Variants in OCM observed in about 807,000 individuals in gnomAD.
OCM encodes oncomodulin-1.
Under a neutral mutation model 14.1 loss-of-function variants are expected in OCM, and 18 were observed. That is an observed-to-expected ratio of 1.28 (90% confidence interval 0.88 to 1.89). OCM has a LOEUF of 1.89. Among genes scored for constraint, OCM ranks in the 40% most tolerant of loss-of-function variants. The pLI, the probability that OCM is intolerant of heterozygous loss-of-function variation, is 0.00. For missense variants in OCM, 140 were observed against 137.6 expected (o/e 1.02, Z -0.09); for synonymous variants, 48 against 51.0 (o/e 0.94, Z 0.25).
At chr7:5,860,358 A>G in the OCM span, among the ~76,000 whole-genome samples, 6 of 147,130 alleles carry the variant, frequency 4.1e-5, 1 homozygote, top group Non-Finnish European at 9.0e-5. Context: ...GTGTGTATAT[A>G]TATATGCATA....
chr7:5,882,163 TC>T (rs920044384), intron 1 of OCM, among the ~76,000 whole-genome samples: 3 of 148,328 alleles, frequency 2.0e-5, no homozygotes, highest in Admixed American at 6.7e-5. Flanking sequence ...TGATTGCATT[TC>T]CCCCTACCAA....
rs562229417 is a variant in OCM at position 5,883,520 on chromosome 7, C to CA, written c.195-361dup. 2.6e-3 allele frequency among the ~76,000 whole-genome samples: 386 copies of CA among 150,574 alleles called. 5 individuals carry two copies. The highest frequency in any genetic ancestry group is 8.7e-3 in the African/African-American group (356 of 41,068). On this transcript the variant is annotated intron_variant, in intron 2 of 3. Coordinates refer to ENST00000242104, the MANE Select transcript of OCM (RefSeq NM_001097622.2). ...GGAACATGACAAAACCTTGTCTCTA[C>CA]AAAAAAAAATACAAATGTTAGTGGG...
At chr7:5,867,289 G>A in the OCM span, among the ~76,000 whole-genome samples, 2 of 151,946 alleles carry the variant, frequency 1.3e-5, no homozygotes, top group Non-Finnish European at 2.9e-5. Context: ...ACAAGCCTGG[G>A]CAACATAGCA....
At position 5,882,475 on chromosome 7, in the gene OCM, C is replaced by G; in HGVS notation, c.62-18C>G. ...GTGATCCAACAAGCGTCAGAATAAC[C>G]AATTCTCTGTTCTTCAGACCCAGAC... On this transcript the variant is annotated intron_variant, in intron 1 of 3. Transcript: ENST00000242104. The G allele has an allele frequency of 6.2e-7, 1 of 1,613,520 alleles. No homozygotes were observed. Among genetic ancestry groups the G allele is most frequent in the East Asian group, 2.2e-5 (1 of 44,880 alleles).
upstream of OCM, among the ~76,000 whole-genome samples, chr7:5,877,351 C>G (rs1781114771): frequency 6.6e-6 from 1 of 151,370 alleles, no homozygotes; most frequent in Non-Finnish European, 1.5e-5. Flanking sequence ...GCCTATAGTC[C>G]CAGCCTCCTG....
chr7:5,880,900 C>T lies in OCM; in HGVS notation c.11C>T (p.Thr4Met), dbSNP rs764514586. MSI[T>M]DVLSADDIAA... ...GTGAGTAGGTAGAAAATGAGCATCA[C>T]GGACGTGCTCAGTGCTGACGACATT... Residue 4 changes from threonine to methionine, a missense_variant, in exon 1 of 4, where the codon ACG becomes ATG. Coordinates refer to ENST00000242104, the MANE Select transcript of OCM (RefSeq NM_001097622.2). The T allele has an allele frequency of 2.4e-5, 38 of 1,613,750 alleles. No individual in the cohort carries two copies. In the Middle Eastern group the frequency reaches 6.6e-4, roughly 28 times the overall value.
chr7:5,866,410 G>C, the OCM span, among the ~76,000 whole-genome samples: 3 of 94,734 alleles, frequency 3.2e-5, no homozygotes, highest in African/African-American at 5.1e-5. Flanking sequence ...AGAAGGAAGG[G>C]GGGGAGAGAA....
chr7:5,873,874 T>C, the OCM span, among the ~76,000 whole-genome samples: 4 of 152,014 alleles, frequency 2.6e-5, no homozygotes, highest in Non-Finnish European at 4.4e-5. Flanking sequence ...TAGCCCATCA[T>C]GCATGATGGA....
chr7:5,878,984 C>T (rs921180806), upstream of OCM, among the ~76,000 whole-genome samples: 5 of 151,468 alleles, frequency 3.3e-5, no homozygotes, highest in African/African-American at 1.2e-4. Flanking sequence ...AGTTCGAGAC[C>T]AGCCTAGGCA....
At chr7:5,864,665 A>G in the OCM span, among the ~76,000 whole-genome samples, 17 of 152,270 alleles carry the variant, frequency 1.1e-4, no homozygotes, top group East Asian at 2.7e-3. Flanking sequence ...ATTAGAATAA[A>G]TCAAATAGGC....
the OCM span, among the ~76,000 whole-genome samples, chr7:5,860,817 CATATATAT>C: frequency 6.8e-6 from 1 of 146,026 alleles, no homozygotes; most frequent in Admixed American, 6.9e-5. Flanking sequence ...TACACACATA[CATATATAT>C]ACACACACAC....
the OCM span, among the ~76,000 whole-genome samples, chr7:5,864,948 A>G: frequency 6.6e-6 from 1 of 152,120 alleles, no homozygotes. Flanking sequence ...CAAAAAAAAA[A>G]AGAACTAGGG....
At chr7:5,860,148 T>C in the OCM span, among the ~76,000 whole-genome samples, 9 of 151,920 alleles carry the variant, frequency 5.9e-5, no homozygotes, top group East Asian at 1.9e-4. Context: ...TCTCTCATTA[T>C]GTGGGGTTTA....
chr7:5,880,695 G>T (rs565312197), upstream of OCM: 48 of 518,878 alleles, frequency 9.3e-5, no homozygotes, highest in Non-Finnish European at 1.4e-4. Flanking sequence ...GGAGGCGGAG[G>T]TTGCGGTGAG....
At chr7:5,877,770 A>C (rs1781123927), upstream of OCM, among the ~76,000 whole-genome samples, 1 of 137,592 alleles carries the variant, frequency 7.3e-6, no homozygotes, top group African/African-American at 2.8e-5. Flanking sequence ...TAGTGAGCCA[A>C]GATCATGCCT....
chr7:5,880,055 C>G (rs1203764748), upstream of OCM: 1 of 152,194 alleles, frequency 6.6e-6, no homozygotes, highest in Non-Finnish European at 1.5e-5. Context: ...TTTCCGGTGG[C>G]TCTGACACCT....
chr7:5,867,968 G>A, the OCM span, among the ~76,000 whole-genome samples: 714 of 152,000 alleles, frequency 4.7e-3, 2 homozygotes, highest in Middle Eastern at 0.024. Flanking sequence ...AAACTCCTGA[G>A]CTCTAGTGAT....
chr7:5,870,968 C>T, the OCM span, among the ~76,000 whole-genome samples: 1 of 151,848 alleles, frequency 6.6e-6, no homozygotes. Flanking sequence ...CTCACCGCAA[C>T]CTCCACCTTC....
chr7:5,879,470 C>A (rs1365062702), upstream of OCM, among the ~76,000 whole-genome samples: 1 of 152,124 alleles, frequency 6.6e-6, no homozygotes, highest in African/African-American at 2.4e-5. Context: ...AGACTGAGGT[C>A]AGCCTTACAC....
Sources: gnomAD v4.1 joint callset for allele counts (sites outside exome capture counted in the v4.1 genomes callset) on GRCh38, gnomAD v4.1.1 for gene constraint, MANE v1.5 for transcripts, NCBI Gene and HGNC (gene_info 2026-07-23, HGNC 2026-07-21) for gene names.